The following PRDM6 variants were observed in gnomAD, a reference collection of about 807,000 sequenced individuals.
PRDM6 encodes PR/SET domain 6, also known as putative histone-lysine N-methyltransferase PRDM6.
In PRDM6, 25 loss-of-function variants were observed where a neutral mutation model predicts 60.8. That is an observed-to-expected ratio of 0.41 (90% CI 0.30 to 0.57). PRDM6 has a LOEUF of 0.57. PRDM6 is among the 20% of genes least tolerant of loss of function. PRDM6 has a pLI of 0.27. For missense variants in PRDM6, 839 were observed against 821.3 expected (o/e 1.02, Z -0.26); for synonymous variants, 407 against 357.4 (o/e 1.14, Z -1.57).
At chr5:123,100,116 C>T (rs1764066001) in intron 3 of PRDM6, among the ~76,000 whole-genome samples, 155 bp downstream of exon 3, 1 of 152,206 alleles carries the variant, frequency 6.6e-6, no homozygotes, top group African/African-American at 2.4e-5. Context: ...TTCTCTGGTC[C>T]TGTAGATGCC....
chr5:123,176,664 G>A (rs540882539), intron 6 of PRDM6, among the ~76,000 whole-genome samples: 4 of 152,238 alleles, frequency 2.6e-5, no homozygotes, highest in South Asian at 2.1e-4. Context: ...AGTGAGCCAC[G>A]ATCACGCCAC....
chr5:123,138,902 C>G (rs561281765), intron 3 of PRDM6, among the ~76,000 whole-genome samples: 88 of 152,278 alleles, frequency 5.8e-4, no homozygotes, highest in African/African-American at 2.1e-3. Context: ...TGTGTCCTCG[C>G]CCAAATCTCA....
At chr5:123,117,155 G>A (rs559897678) in intron 3 of PRDM6, among the ~76,000 whole-genome samples, 2 of 152,186 alleles carry the variant, frequency 1.3e-5, no homozygotes, top group East Asian at 3.9e-4. Context: ...TTTTCCCAGG[G>A]GTCCTCCAGG....
chr5:123,101,377 C>G (rs1178699261), intron 3 of PRDM6, among the ~76,000 whole-genome samples: 1 of 152,150 alleles, frequency 6.6e-6, no homozygotes, highest in East Asian at 1.9e-4. Flanking sequence ...ACTACCTACC[C>G]TATAGTTATC....
chr5:123,092,497 G>A (rs988296979), intron 2 of PRDM6, among the ~76,000 whole-genome samples: 4 of 152,176 alleles, frequency 2.6e-5, no homozygotes, highest in African/African-American at 9.7e-5. Flanking sequence ...AGACTAATTC[G>A]AGAAAGAATT....
intron 3 of PRDM6, among the ~76,000 whole-genome samples, chr5:123,131,526 C>T (rs1764834055): frequency 6.6e-6 from 1 of 152,172 alleles, no homozygotes; most frequent in Non-Finnish European, 1.5e-5. Flanking sequence ...GTATGCCTGG[C>T]ATTGTTCTGT....
intron 7 of PRDM6, among the ~76,000 whole-genome samples, chr5:123,186,549 A>G (rs549245217): frequency 6.6e-6 from 1 of 152,202 alleles, no homozygotes; most frequent in Non-Finnish European, 1.5e-5. Context: ...CACTGTAACC[A>G]GCTTTTGCAA....
rs1170479290 is a variant in PRDM6 at position 123,190,824 on chromosome 5, C to T, written c.*3623C>T. Reference sequence around the variant, plus strand: ...ACCATAAGCAGCATTATTTAAGTGACTATTCATGATAAAATAATATTCTCC... The same window carrying T: ...ACCATAAGCAGCATTATTTAAGTGATTATTCATGATAAAATAATATTCTCC... On this transcript the variant is annotated 3_prime_UTR_variant, in exon 8 of 8. Coordinates refer to ENST00000407847, the MANE Select transcript of PRDM6 (RefSeq NM_001136239.4). The T allele has an allele frequency of 2.0e-5, 3 of 152,138 alleles. No homozygotes were observed. Among genetic ancestry groups the T allele is most frequent in the Non-Finnish European group, 2.9e-5 (2 of 68,024 alleles). 9.4% of individuals were successfully genotyped at this position (152,138 alleles called of 1,614,324 possible). A position where few individuals can be genotyped will look rare whatever the true frequency, so the allele number is the denominator to read the frequency against.
chr5:123,183,745 G>A (rs1002180098), intron 7 of PRDM6, among the ~76,000 whole-genome samples: 1 of 152,150 alleles, frequency 6.6e-6, no homozygotes, highest in Non-Finnish European at 1.5e-5. Context: ...CAGGCAGGAA[G>A]GAAGGAAATA....
intron 2 of PRDM6, among the ~76,000 whole-genome samples, chr5:123,092,434 T>C (rs1253246465): frequency 6.6e-6 from 1 of 152,218 alleles, no homozygotes; most frequent in Admixed American, 6.5e-5. Flanking sequence ...GCTGAGCTCC[T>C]GTACTGTTTA....
At chr5:123,101,297 T>C (rs571318942) in intron 3 of PRDM6, among the ~76,000 whole-genome samples, 1 of 152,220 alleles carries the variant, frequency 6.6e-6, no homozygotes, top group East Asian at 1.9e-4. Context: ...AAGCCTCTTT[T>C]GATGGAGGAG....
intron 3 of PRDM6, among the ~76,000 whole-genome samples, chr5:123,105,476 C>T (rs565871976): frequency 1.2e-4 from 19 of 152,238 alleles, no homozygotes; most frequent in African/African-American, 4.3e-4. Context: ...TTGTGTTACC[C>T]AGAAATCACT....
chr5:123,126,797 A>G (rs1764703331), intron 3 of PRDM6, among the ~76,000 whole-genome samples: 1 of 152,202 alleles, frequency 6.6e-6, no homozygotes, highest in African/African-American at 2.4e-5. Flanking sequence ...TTTCCAAGAA[A>G]AGCCTTCTAG....
intron 3 of PRDM6, among the ~76,000 whole-genome samples, chr5:123,100,973 C>T (rs190515065): frequency 6.6e-6 from 1 of 152,290 alleles, no homozygotes; most frequent in East Asian, 1.9e-4. Context: ...GTAGGAATAG[C>T]TAGAAAATAA....
At chr5:123,108,019 G>A (rs1764234614) in intron 3 of PRDM6, among the ~76,000 whole-genome samples, 1 of 152,086 alleles carries the variant, frequency 6.6e-6, no homozygotes, top group Non-Finnish European at 1.5e-5. Flanking sequence ...AAAGCTGCGT[G>A]GTTAGCTCTG....
intron 3 of PRDM6, among the ~76,000 whole-genome samples, chr5:123,151,535 G>A (rs1312257279): frequency 2.6e-5 from 4 of 152,150 alleles, no homozygotes; most frequent in Non-Finnish European, 5.9e-5. Flanking sequence ...TTCTGTCATG[G>A]ACTAGTCGTC....
At chr5:123,171,195 G>T (rs1000982385) in intron 6 of PRDM6, 87 bp downstream of exon 6, 45 of 1,073,508 alleles carry the variant, frequency 4.2e-5, no homozygotes, top group Admixed American at 8.3e-5. Flanking sequence ...ACCTCCACAG[G>T]GGAAGCCCTG....
chr5:123,125,965 T>A (rs574150036), intron 3 of PRDM6, among the ~76,000 whole-genome samples: 62 of 152,072 alleles, frequency 4.1e-4, no homozygotes, highest in African/African-American at 1.4e-3. Flanking sequence ...TCTTTTTCCC[T>A]GTATGTGTTT....
At chr5:123,143,967 G>C (rs1765180072) in intron 3 of PRDM6, among the ~76,000 whole-genome samples, 2 of 152,128 alleles carry the variant, frequency 1.3e-5, no homozygotes, top group Non-Finnish European at 2.9e-5. Context: ...TGCAAAGAAG[G>C]CCTCCTTCTT....
Sources: gnomAD v4.1 joint callset for allele counts (sites outside exome capture counted in the v4.1 genomes callset) on GRCh38, gnomAD v4.1.1 for gene constraint, MANE v1.5 for transcripts, NCBI Gene and HGNC (gene_info 2026-07-23, HGNC 2026-07-21) for gene names.